PAK5: variants seen among roughly 807,000 people sequenced by gnomAD.
PAK5 encodes p21 (RAC1) activated kinase 5.
Under a neutral mutation model 65.9 loss-of-function variants are expected in PAK5, and 16 were observed. The observed-to-expected ratio is 0.24, with a 90% CI of 0.16 to 0.37. The LOEUF is 0.37. PAK5 is among the 10% of genes least tolerant of loss of function. The pLI, the probability that PAK5 is intolerant of heterozygous loss-of-function variation, is 1.00. For synonymous variants in PAK5, 371 were observed against 354.9 expected (o/e 1.05, Z -0.51); for missense variants, 785 against 903.9 (o/e 0.87, Z 1.69).
chr20:9,643,642 G>T (rs1033375989), intron 3 of PAK5, among the ~76,000 whole-genome samples: 3 of 151,866 alleles, frequency 2.0e-5, no homozygotes, highest in African/African-American at 7.3e-5. Context: ...ACATATACAT[G>T]TATATGCCTA....
chr20:9,692,277 A>G (rs1271049563), intron 2 of PAK5, among the ~76,000 whole-genome samples: 1 of 152,236 alleles, frequency 6.6e-6, no homozygotes, highest in African/African-American at 2.4e-5. Flanking sequence ...GAAAGCAATA[A>G]GAAGGTTAAA....
intron 1 of PAK5, among the ~76,000 whole-genome samples, chr20:9,756,472 AC>A (rs572367061): frequency 6.6e-6 from 1 of 151,942 alleles, no homozygotes; most frequent in Non-Finnish European, 1.5e-5. Flanking sequence ...GCCACACACC[AC>A]CCCCAGCCTC....
rs560794821 is a variant in PAK5 at position 9,829,042 on chromosome 20, C to T, written c.-162+9720G>A. 5.9e-5 allele frequency among the ~76,000 whole-genome samples: 9 copies of T among 152,304 alleles called. No individual in the cohort carries two copies. In the South Asian group the frequency reaches 6.2e-4, roughly 11 times the overall value. On this transcript the variant is annotated intron_variant, in intron 1 of 9. Transcript: ENST00000353224. ...CTTATGGCCAATTTACCTTTATCAT[C>T]AATGACACAATGGCAATTCCATTGA...
intron 1 of PAK5, among the ~76,000 whole-genome samples, chr20:9,831,226 C>T (rs888103349): frequency 9.8e-5 from 15 of 152,314 alleles, no homozygotes; most frequent in African/African-American, 1.7e-4. Context: ...TGTGTGCGCG[C>T]GTGCGTGTGT....
At chr20:9,649,598 A>T (rs919610999) in intron 2 of PAK5, among the ~76,000 whole-genome samples, 7 of 152,280 alleles carry the variant, frequency 4.6e-5, no homozygotes, top group South Asian at 4.1e-4. Flanking sequence ...GCATATGCCT[A>T]GTCTAAAAGC....
At position 9,656,713 on chromosome 20, in the gene PAK5, A is replaced by G. The variant is rs557616843; in HGVS notation, c.-11-12374T>C. Among the ~76,000 whole-genome samples, 28 of 152,306 alleles carry G rather than the reference A, an allele frequency of 1.8e-4. No homozygotes were observed. In the South Asian group the frequency reaches 5.6e-3, roughly 30 times the overall value. Reference sequence around the variant, plus strand: ...AATAAAGTGCAGCTAATTAATATCTATGTCAAATGTTGTGAACATTTAATG... The same window carrying G: ...AATAAAGTGCAGCTAATTAATATCTGTGTCAAATGTTGTGAACATTTAATG... On this transcript the variant is annotated intron_variant, in intron 2 of 9. Coordinates refer to ENST00000353224, the MANE Select transcript of PAK5 (RefSeq NM_177990.4).
At chr20:9,829,530 G>A (rs1220740612) in intron 1 of PAK5, among the ~76,000 whole-genome samples, 1 of 152,098 alleles carries the variant, frequency 6.6e-6, no homozygotes. Flanking sequence ...AACACATCTT[G>A]TTCAATATGT....
At chr20:9,740,605 C>T (rs923865204) in intron 1 of PAK5, among the ~76,000 whole-genome samples, 1 of 152,202 alleles carries the variant, frequency 6.6e-6, no homozygotes, top group African/African-American at 2.4e-5. Flanking sequence ...CTCTTGTGCT[C>T]TTGCACCACT....
At chr20:9,652,446 C>T (rs1480720666) in intron 2 of PAK5, among the ~76,000 whole-genome samples, 1 of 152,120 alleles carries the variant, frequency 6.6e-6, no homozygotes, top group South Asian at 2.1e-4. Flanking sequence ...AAAAAAAAAT[C>T]ATTATGTGTC....
intron 1 of PAK5, among the ~76,000 whole-genome samples, chr20:9,768,089 T>C (rs2048789590): frequency 6.6e-6 from 1 of 152,158 alleles, no homozygotes; most frequent in Non-Finnish European, 1.5e-5. Context: ...TGAAAACCTA[T>C]GGACAACTTT....
At chr20:9,792,058 C>T (rs2049055526) in intron 1 of PAK5, among the ~76,000 whole-genome samples, 1 of 152,160 alleles carries the variant, frequency 6.6e-6, no homozygotes, top group African/African-American at 2.4e-5. Flanking sequence ...TTCTCCCCTA[C>T]CAGACTGTAA....
At chr20:9,641,997 G>A (rs2047074505) in intron 3 of PAK5, among the ~76,000 whole-genome samples, 1 of 152,202 alleles carries the variant, frequency 6.6e-6, no homozygotes. Context: ...CAAGCTGAGG[G>A]AGTGGGCTCC....
chr20:9,698,124 T>C (rs1478974324), intron 2 of PAK5, among the ~76,000 whole-genome samples: 1 of 152,110 alleles, frequency 6.6e-6, no homozygotes, highest in African/African-American at 2.4e-5. Flanking sequence ...ATTAATCTTA[T>C]CAGAATCCTC....
intron 1 of PAK5, among the ~76,000 whole-genome samples, chr20:9,802,899 T>C (rs1600391298): frequency 3.1e-5 from 3 of 95,724 alleles, no homozygotes; most frequent in African/African-American, 1.2e-4. Flanking sequence ...TGTACTATTG[T>C]ATATGTATGT....
At chr20:9,637,521 C>A in intron 3 of PAK5, among the ~76,000 whole-genome samples, 1 of 151,884 alleles carries the variant, frequency 6.6e-6, no homozygotes. Flanking sequence ...TCACCATAGG[C>A]CCAAGAAGAC....
intron 2 of PAK5, among the ~76,000 whole-genome samples, chr20:9,650,705 C>T (rs2123296951): frequency 6.6e-6 from 1 of 152,200 alleles, no homozygotes; most frequent in Non-Finnish European, 1.5e-5. Flanking sequence ...TTCTGGAGTG[C>T]ACCTTCTGCT....
rs559912128 is a variant in PAK5 at position 9,621,988 on chromosome 20, C to T, written c.204+22137G>A. Among the ~76,000 whole-genome samples the T allele has an allele frequency of 7.9e-5, 12 of 152,302 alleles. No homozygotes were observed. In the South Asian group the frequency reaches 1.0e-3, roughly 13 times the overall value. ...CTCTCCTGCCTACCTTATTCTGTCA[C>T]GGGTGCCTCCTGAGACATCTCCCTC... On this transcript the variant is annotated intron_variant, in intron 3 of 9. Coordinates refer to ENST00000353224, the MANE Select transcript of PAK5 (RefSeq NM_177990.4).
At chr20:9,768,855 G>C (rs1427152166) in intron 1 of PAK5, among the ~76,000 whole-genome samples, 1 of 147,826 alleles carries the variant, frequency 6.8e-6, no homozygotes, top group African/African-American at 2.5e-5. Context: ...ACTGGACTCT[G>C]GCCTAACTTA....
chr20:9,679,014 G>A (rs911015391), intron 2 of PAK5, among the ~76,000 whole-genome samples: 9 of 152,100 alleles, frequency 5.9e-5, no homozygotes, highest in Non-Finnish European at 1.2e-4. Flanking sequence ...TCACCTAGAT[G>A]CAGATTTTCT....
Sources: allele counts gnomAD v4.1 joint callset (sites outside exome capture counted in the v4.1 genomes callset), GRCh38; gene constraint gnomAD v4.1.1; transcripts MANE v1.5; gene names NCBI Gene and HGNC (gene_info 2026-07-23, HGNC 2026-07-21).